Variants in WNT7B observed in about 807,000 individuals in gnomAD.
WNT7B encodes protein Wnt-7b.
WNT7B carries 19 observed loss-of-function variants against 38.2 expected under a neutral mutation model. The ratio of observed to expected loss-of-function variants is 0.50; its 90% CI spans 0.35 to 0.73. WNT7B has a LOEUF of 0.73. Ranked by LOEUF, WNT7B falls within the 30% of genes least tolerant of loss-of-function variation. The pLI is 0.01. For missense variants in WNT7B, 423 were observed against 507.9 expected, an observed-to-expected ratio of 0.83 and a Z score of 1.61; for synonymous variants, 243 against 209.3, an observed-to-expected ratio of 1.16 and a Z score of -1.39.
At chr22:45,971,186 G>A (rs1294778734) in intron 1 of WNT7B, among the ~76,000 whole-genome samples, 1 of 151,376 alleles carries the variant, frequency 6.6e-6, no homozygotes, top group East Asian at 2.0e-4. Context: ...GGAAGGCAGC[G>A]GCTGCCCCCT....
intron 3 of WNT7B, chr22:45,927,295 AC>A: frequency 5.1e-6 from 5 of 984,236 alleles, no homozygotes; most frequent in Non-Finnish European, 4.8e-6. Context: ...ATTAAAGGTC[AC>A]CCCCGCCCCC....
At chr22:45,948,857 TC>T (rs1206673572) in intron 2 of WNT7B, among the ~76,000 whole-genome samples, 1 of 114,098 alleles carries the variant, frequency 8.8e-6, no homozygotes, top group Admixed American at 9.7e-5. Context: ...TTTTTTTTTT[TC>T]CCCTGAGACA....
chr22:45,972,116 G>GGGGGGGGGGGGGCCC, intron 1 of WNT7B: 1 of 530,746 alleles, frequency 1.9e-6, no homozygotes, highest in African/African-American at 2.1e-5. Flanking sequence ...CCCGGGGGGA[G>GGGGGGGGGGGGGCCC]CCCACCCGCC....
intron 2 of WNT7B, among the ~76,000 whole-genome samples, chr22:45,933,727 C>T (rs1398096260): frequency 6.6e-6 from 1 of 152,132 alleles, no homozygotes; most frequent in East Asian, 1.9e-4. Flanking sequence ...ACAATCTTAA[C>T]AAGGAGCATG....
At chr22:45,926,653 C>T in intron 3 of WNT7B, 2 of 985,346 alleles carry the variant, frequency 2.0e-6, no homozygotes, top group Non-Finnish European at 2.4e-6. Flanking sequence ...TGAGGTGCCT[C>T]ACACCCTCTT....
intron 2 of WNT7B, among the ~76,000 whole-genome samples, chr22:45,939,760 A>G (rs1931601279): frequency 6.6e-6 from 1 of 152,140 alleles, no homozygotes; most frequent in Non-Finnish European, 1.5e-5. Flanking sequence ...CAGGAGGTCA[A>G]GGTTGCAGTG....
intron 1 of WNT7B, among the ~76,000 whole-genome samples, chr22:45,957,525 T>C (rs1932094459): frequency 6.6e-6 from 1 of 151,092 alleles, no homozygotes. Flanking sequence ...CTCTACTAAA[T>C]ATACAAGAAT....
chr22:45,924,151 G>T (rs1161769832), intron 3 of WNT7B, among the ~76,000 whole-genome samples: 1 of 152,228 alleles, frequency 6.6e-6, no homozygotes, highest in Non-Finnish European at 1.5e-5. Flanking sequence ...CCCCACGGCT[G>T]CAGAGAGGCC....
At chr22:45,935,889 G>A (rs1931502935) in intron 2 of WNT7B, 1 of 985,320 alleles carries the variant, frequency 1.0e-6, no homozygotes, top group Non-Finnish European at 1.2e-6. Flanking sequence ...GCTGGATGAG[G>A]GCAGCACGGA....
chr22:45,975,207 G>T lies in WNT7B; in HGVS notation c.71+1477C>A, dbSNP rs1932525805. On this transcript the variant is annotated intron_variant, in intron 1 of 3. Coordinates refer to ENST00000339464, the MANE Select transcript of WNT7B (RefSeq NM_058238.3). This position sits in a 1 kb window ranked among gnomAD's most constrained non-coding sequence, Gnocchi z 6.6. ...GGGTGCCAGGAGGGGGAAGGCCTCA[G>T]CGCTGAGAATCAGGCTGCAGGGACA... Among the ~76,000 whole-genome samples the T allele has an allele frequency of 6.6e-6, 1 of 152,302 alleles. No individual in the cohort carries two copies. The highest frequency in any genetic ancestry group is 1.9e-4 in the East Asian group (1 of 5,186).
At chr22:45,928,870 AT>A (rs1931188220) in intron 3 of WNT7B, among the ~76,000 whole-genome samples, 1 of 135,064 alleles carries the variant, frequency 7.4e-6, no homozygotes, top group Non-Finnish European at 1.6e-5. Context: ...ATACCACGAC[AT>A]ACCACGACCT....
At chr22:45,945,268 A>C (rs1217280193) in intron 2 of WNT7B, among the ~76,000 whole-genome samples, 1 of 152,016 alleles carries the variant, frequency 6.6e-6, no homozygotes, top group Admixed American at 6.6e-5. Flanking sequence ...TTTTTAGTAG[A>C]GATGGGGCTT....
chr22:45,971,955 G>A (rs1374071988), intron 1 of WNT7B, among the ~76,000 whole-genome samples: 1 of 152,180 alleles, frequency 6.6e-6, no homozygotes, highest in African/African-American at 2.4e-5. Context: ...ACTTCTCACT[G>A]CCGTAGCTGC....
intron 1 of WNT7B, among the ~76,000 whole-genome samples, chr22:45,967,511 C>T (rs982519765): frequency 6.6e-6 from 1 of 151,920 alleles, no homozygotes; most frequent in Non-Finnish European, 1.5e-5. Context: ...GCACTGGCTC[C>T]GCACCCTGGC....
chr22:45,942,731 C>A (rs189852195), intron 2 of WNT7B, among the ~76,000 whole-genome samples: 4 of 152,334 alleles, frequency 2.6e-5, no homozygotes, highest in East Asian at 1.9e-4. Context: ...GTGGAGGGCT[C>A]AGGACGGGTA....
At chr22:45,972,390 C>G in intron 1 of WNT7B, 1 of 301,584 alleles carries the variant, frequency 3.3e-6, no homozygotes, top group Non-Finnish European at 6.1e-6. Context: ...AGTTGTCGCC[C>G]GTGCCCCGCC....
In WNT7B at chr22:45,976,340, C is replaced by T. The variant is rs1238961027; in HGVS notation, c.71+344G>A. ...CGCTCGGCCCGGGCTCGGCGCCCAGCGCAGCCCGGGGGAGGGAAGGCGCGT... is the reference window on the plus strand; with the variant it reads ...CGCTCGGCCCGGGCTCGGCGCCCAGTGCAGCCCGGGGGAGGGAAGGCGCGT... On this transcript the variant is annotated intron_variant, in intron 1 of 3. Coordinates refer to ENST00000339464, the MANE Select transcript of WNT7B (RefSeq NM_058238.3). The surrounding 1 kb of genome is among the most constrained non-coding windows in gnomAD (Gnocchi z 8.5). 6.6e-6 allele frequency among the ~76,000 whole-genome samples: 1 copy of T among 150,494 alleles called. No homozygotes were observed. The highest frequency in any genetic ancestry group is 1.5e-5 in the Non-Finnish European group (1 of 67,480).
intron 2 of WNT7B, among the ~76,000 whole-genome samples, chr22:45,940,190 G>A (rs58061186): frequency 0.045 from 6,822 of 152,134 alleles, 331 homozygotes; most frequent in African/African-American, 0.12. Context: ...TTTCATACCC[G>A]TGTCCTACTC....
intron 3 of WNT7B, among the ~76,000 whole-genome samples, chr22:45,928,311 A>C (rs1601715612): frequency 6.6e-6 from 1 of 151,870 alleles, no homozygotes; most frequent in Non-Finnish European, 1.5e-5. Context: ...CCAAAGCCCC[A>C]CCCTACACCC....
Sources: gnomAD v4.1 joint callset for allele counts (sites outside exome capture counted in the v4.1 genomes callset) on GRCh38, gnomAD v4.1.1 for gene constraint, Gnocchi (gnomAD v3.1) non-coding constraint, MANE v1.5 for transcripts, NCBI Gene and HGNC (gene_info 2026-07-23, HGNC 2026-07-21) for gene names.